TENM2: variants seen among roughly 807,000 people sequenced by gnomAD.
TENM2 encodes teneurin-2.
TENM2 carries 52 observed loss-of-function variants against 245.2 expected under a neutral mutation model. The ratio of observed to expected loss-of-function variants is 0.21; its 90% CI spans 0.17 to 0.27. The LOEUF (loss-of-function observed/expected upper bound fraction) is 0.27. Ranked by LOEUF, TENM2 falls within the 10% of genes least tolerant of loss-of-function variation. The pLI is 1.00. For missense variants in TENM2, 3,046 were observed against 3,666.8 expected (o/e 0.83, Z 4.37); for synonymous variants, 1,363 against 1,438.9 (o/e 0.95, Z 1.19).
At chr5:167,297,609 G>A (rs552864870) in intron 1 of TENM2, 1 of 152,204 alleles carries the variant, frequency 6.6e-6, no homozygotes, top group Admixed American at 6.5e-5. Context: ...AGTAGGGAAA[G>A]ATTCTGTTAA....
chr5:167,067,811 A>T, the TENM2 span, among the ~76,000 whole-genome samples: 3 of 152,144 alleles, frequency 2.0e-5, no homozygotes, highest in African/African-American at 4.8e-5. Flanking sequence ...GAGCCTCTGG[A>T]TGTTTTGAAA....
At chr5:167,167,921 A>G in the TENM2 span, among the ~76,000 whole-genome samples, 3 of 152,164 alleles carry the variant, frequency 2.0e-5, no homozygotes, top group African/African-American at 4.8e-5. Flanking sequence ...AAAAGTTAAG[A>G]ATTACACATT....
intron 1 of TENM2, among the ~76,000 whole-genome samples, chr5:167,340,239 C>T (rs1758017432): frequency 6.6e-6 from 1 of 152,192 alleles, no homozygotes; most frequent in Non-Finnish European, 1.5e-5. Flanking sequence ...CAAAGTGCTT[C>T]TAGCCTCTAT....
At chr5:168,141,053 G>T (rs779660907) in intron 12 of TENM2, among the ~76,000 whole-genome samples, 7 of 151,920 alleles carry the variant, frequency 4.6e-5, no homozygotes, top group Non-Finnish European at 8.8e-5. Context: ...ACATAGTCCC[G>T]CTGGGCTATG....
the TENM2 span, among the ~76,000 whole-genome samples, chr5:167,082,086 T>C: frequency 6.6e-6 from 1 of 152,144 alleles, no homozygotes; most frequent in African/African-American, 2.4e-5. Flanking sequence ...CAATTAGTAT[T>C]AATGTGTGAA....
At chr5:168,190,233 G>A (rs576477692) in intron 13 of TENM2, 104 bp from the exon 16 acceptor site, 13 of 834,236 alleles carry the variant, frequency 1.6e-5, no homozygotes, top group African/African-American at 1.2e-4. Context: ...CCTTGGGTAC[G>A]TTTGATGCTG....
the TENM2 span, among the ~76,000 whole-genome samples, chr5:167,236,689 G>C: frequency 1.3e-5 from 2 of 152,216 alleles, no homozygotes; most frequent in Non-Finnish European, 2.9e-5. Flanking sequence ...ATAAGGTGAG[G>C]ATTGAGTGGT....
At chr5:167,553,988 C>T (rs1042707625) in intron 2 of TENM2, among the ~76,000 whole-genome samples, 1 of 152,126 alleles carries the variant, frequency 6.6e-6, no homozygotes, top group African/African-American at 2.4e-5. Flanking sequence ...CTTCAGGTCT[C>T]ACAACATAAT....
At chr5:167,618,516 T>C (rs1490537853) in intron 2 of TENM2, among the ~76,000 whole-genome samples, 3 of 152,172 alleles carry the variant, frequency 2.0e-5, no homozygotes, top group Non-Finnish European at 1.5e-5. Context: ...GTGACTCTAA[T>C]GTGCAGACAT....
At chr5:167,489,946 T>A (rs1247904666) in intron 2 of TENM2, among the ~76,000 whole-genome samples, 2 of 152,192 alleles carry the variant, frequency 1.3e-5, no homozygotes, top group Non-Finnish European at 2.9e-5. Context: ...TATTACTGGA[T>A]ATGTACATAA....
chr5:167,640,806 AAT>A (rs1319608546), intron 2 of TENM2, among the ~76,000 whole-genome samples: 1 of 136,462 alleles, frequency 7.3e-6, no homozygotes, highest in Non-Finnish European at 1.6e-5. Context: ...CCTATAGAGA[AAT>A]AGAAACAAAA....
intron 2 of TENM2, among the ~76,000 whole-genome samples, chr5:167,485,578 G>A (rs912343941): frequency 6.6e-6 from 1 of 152,112 alleles, no homozygotes; most frequent in South Asian, 2.1e-4. Context: ...TGGGGCAGGA[G>A]GGGGGCAGGG....
At chr5:167,583,750 G>A (rs1775274709) in intron 2 of TENM2, among the ~76,000 whole-genome samples, 1 of 152,106 alleles carries the variant, frequency 6.6e-6, no homozygotes. Flanking sequence ...TCCCCATACA[G>A]CATCTCCCCT....
chr5:167,652,859 T>C (rs1754569976), intron 2 of TENM2, among the ~76,000 whole-genome samples: 1 of 152,212 alleles, frequency 6.6e-6, no homozygotes, highest in Non-Finnish European at 1.5e-5. Flanking sequence ...GTTAAAAAGC[T>C]ACAAGATTAA....
chr5:167,109,694 T>C, the TENM2 span, among the ~76,000 whole-genome samples: 1 of 152,030 alleles, frequency 6.6e-6, no homozygotes, highest in Non-Finnish European at 1.5e-5. Flanking sequence ...CTATAAACCC[T>C]TTAATACAAC....
At chr5:167,979,155 A>C (rs1254013982) in intron 4 of TENM2, among the ~76,000 whole-genome samples, 1 of 152,140 alleles carries the variant, frequency 6.6e-6, no homozygotes, top group African/African-American at 2.4e-5. Context: ...TGAAGCACCA[A>C]AGATAAGGAA....
intron 2 of TENM2, among the ~76,000 whole-genome samples, chr5:167,444,896 A>G (rs1765071787): frequency 6.6e-6 from 1 of 152,298 alleles, no homozygotes; most frequent in East Asian, 1.9e-4. Context: ...ACACTTTATT[A>G]TACACATTTT....
chr5:167,222,610 A>AT, the TENM2 span, among the ~76,000 whole-genome samples: 32,224 of 151,948 alleles, frequency 0.21, 4,057 homozygotes, highest in African/African-American at 0.36. Flanking sequence ...AATCACTTTT[A>AT]TTTATGGACA....
intron 2 of TENM2, among the ~76,000 whole-genome samples, chr5:167,780,065 A>T (rs544243194): frequency 1.3e-5 from 2 of 152,206 alleles, no homozygotes; most frequent in African/African-American, 4.8e-5. Flanking sequence ...CACTGGTGAC[A>T]CTCCGGGTGA....
Sources: allele counts gnomAD v4.1 joint callset (sites outside exome capture counted in the v4.1 genomes callset), GRCh38; gene constraint gnomAD v4.1.1; transcripts MANE v1.5; gene names NCBI Gene and HGNC (gene_info 2026-07-23, HGNC 2026-07-21).